Variants in AKAP13 observed in about 807,000 individuals in gnomAD.
AKAP13 encodes A-kinase anchor protein 13.
AKAP13 carries 80 observed loss-of-function variants against 264.5 expected under a neutral mutation model. The ratio of observed to expected loss-of-function variants is 0.30; its 90% confidence interval spans 0.25 to 0.36. AKAP13 has a LOEUF of 0.36. AKAP13 is among the 10% of genes least tolerant of loss of function. The pLI is 1.00. For synonymous variants in AKAP13, 1,380 were observed against 1,250.2 expected (o/e 1.10, Z -2.19); for missense variants, 3,712 against 3,435.2 (o/e 1.08, Z -2.01).
intron 2 of AKAP13, among the ~76,000 whole-genome samples, chr15:85,491,062 A>G (rs1413857870): frequency 6.6e-6 from 1 of 152,188 alleles, no homozygotes; most frequent in South Asian, 2.1e-4. Flanking sequence ...TTTGAGGAAC[A>G]GAACAGTGGC....
chr15:85,628,588 C>T (rs982623225), intron 8 of AKAP13, among the ~76,000 whole-genome samples: 21 of 152,286 alleles, frequency 1.4e-4, no homozygotes, highest in Admixed American at 3.3e-4. Context: ...TGAGCCTCCT[C>T]AGGACATCAT....
rs184101848 is a variant in AKAP13 at position 85,440,881 on chromosome 15, A to G, written c.-11-44829A>G. 7.3e-3 allele frequency among the ~76,000 whole-genome samples: 1,119 copies of G among 152,342 alleles called. 4 individuals are homozygous for G. The highest frequency in any genetic ancestry group is 0.027 in the Middle Eastern group (8 of 294). ...TAGTGTGGTGGAAATTTTTAAAAAA[A>G]TTCTGCAGTGGCTTAAATAGTGCAA... On this transcript the variant is annotated intron_variant, in intron 1 of 36. Transcript: ENST00000394518.
At chr15:85,507,477 A>C (rs1335265611) in intron 2 of AKAP13, among the ~76,000 whole-genome samples, 2 of 152,152 alleles carry the variant, frequency 1.3e-5, no homozygotes, top group African/African-American at 4.8e-5. Flanking sequence ...TTCACAGATA[A>C]AGTTTGCCAA....
intron 6 of AKAP13, among the ~76,000 whole-genome samples, chr15:85,577,180 T>C (rs77135039): frequency 0.014 from 2,114 of 152,282 alleles, 34 homozygotes; most frequent in Non-Finnish European, 0.023. Context: ...CTTGTACATA[T>C]AAACTTTTAC....
intron 34 of AKAP13, chr15:85,740,628 GCTT>G: frequency 3.0e-6 from 1 of 330,914 alleles, no homozygotes; most frequent in Non-Finnish European, 5.6e-6. Flanking sequence ...TCCTAATACA[GCTT>G]CTGTTTCGGA....
In AKAP13 at chr15:85,746,065, C is replaced by T. The variant is rs2089359694; in HGVS notation, c.*1388C>T. The T allele has an allele frequency of 6.6e-6, 1 of 152,378 alleles. No individual in the cohort carries two copies. The highest frequency in any genetic ancestry group is 6.5e-5 in the Admixed American group (1 of 15,272). The allele number at this position is 152,378 out of a possible 1,614,324, so 9.4% of individuals were successfully genotyped here. On this transcript the variant is annotated 3_prime_UTR_variant, in exon 37 of 37. Coordinates refer to ENST00000394518, the MANE Select transcript of AKAP13 (RefSeq NM_007200.5). ...TGTTGCCCTCTGAGGCCCCGTACACCAGAAGGGAGGCCCTGGAAAATTTTG... is the reference window on the plus strand; with the variant it reads ...TGTTGCCCTCTGAGGCCCCGTACACTAGAAGGGAGGCCCTGGAAAATTTTG...
intron 5 of AKAP13, chr15:85,544,214 A>G (rs896474458): frequency 1.7e-5 from 10 of 590,760 alleles, no homozygotes; most frequent in Non-Finnish European, 2.8e-5. Context: ...CTTATATTTT[A>G]CTATTTTACT....
At position 85,735,060 on chromosome 15, in the gene AKAP13, A is replaced by C. The variant is rs757190833; in HGVS notation, c.7351A>C (p.Ile2451Leu). The change falls in exon 31 of 37, where the codon ATT (isoleucine) becomes CTT (leucine). Residue 2451 changes from isoleucine to leucine, a missense_variant. Physicochemically the swap from Ile to Leu is conservative, Grantham distance 5. Coordinates refer to ENST00000394518, the MANE Select transcript of AKAP13 (RefSeq NM_007200.5). ...GTLGPTVSSP[I>L]EQDVVGPVSL... ...ACTTGGGCCGACTGTCAGCAGCCCC[A>C]TTGAGCAAGATGTGGTCGGTCCCGT... is the stretch of plus-strand genomic sequence containing the variant. 4 of 1,614,100 alleles carry C rather than the reference A, an allele frequency of 2.5e-6. No individual in the cohort carries two copies. Among genetic ancestry groups the C allele is most frequent in the African/African-American group, 1.3e-5 (1 of 74,946 alleles).
chr15:85,470,017 A>G (rs8028240), intron 1 of AKAP13, among the ~76,000 whole-genome samples: 81,798 of 152,092 alleles, frequency 0.54, 22,663 homozygotes, highest in Admixed American at 0.63. Flanking sequence ...GCTGGTTGTG[A>G]TGGCTCACGC....
rs2086431103 is a variant in AKAP13, at chr15:85,708,317, C to T, written c.5532+231C>T. 2.6e-5 allele frequency among the ~76,000 whole-genome samples: 4 copies of T among 152,216 alleles called. No homozygotes were observed. In the South Asian group the frequency reaches 8.3e-4, roughly 31 times the overall value. On this transcript the variant is annotated intron_variant, in intron 18 of 36. Transcript: ENST00000394518. This position sits in a 1 kb window ranked among gnomAD's most constrained non-coding sequence, Gnocchi z 4.3. ...AGAAAAGAAAACGCTTTCAGAACTT[C>T]TTCACGTTCAATATACATTTCTTCG...
intron 17 of AKAP13, 98 bp from the exon 18 acceptor site, chr15:85,707,921 A>C (rs542272395): frequency 8.6e-7 from 1 of 1,166,570 alleles, no homozygotes; most frequent in Non-Finnish European, 1.3e-6. Flanking sequence ...GAGTGACTTC[A>C]CTTTGAAATT....
Position 85,470,292 on chromosome 15 carries a change from AAAACC to A in AKAP13, c.-11-15399_-11-15395del, listed in dbSNP as rs549588645. On this transcript the variant is annotated intron_variant, in intron 1 of 36. Transcript: ENST00000394518. ...TGACAAGAGCGAAACTCTGTCTCAA[AAAACC>A]AAACCAAACCAAACCAAAACAAAAC... Among the ~76,000 whole-genome samples the A allele has an allele frequency of 2.1e-3, 313 of 152,320 alleles. 3 individuals carry two copies. The highest frequency in any genetic ancestry group is 6.8e-3 in the Middle Eastern group (2 of 294).
chr15:85,623,019 G>A (rs898756785), intron 8 of AKAP13, among the ~76,000 whole-genome samples: 1 of 152,102 alleles, frequency 6.6e-6, no homozygotes, highest in Non-Finnish European at 1.5e-5. Context: ...TTTTAGCAAA[G>A]TTTTCTCACA....
intron 1 of AKAP13, among the ~76,000 whole-genome samples, chr15:85,470,469 A>G (rs375491413): frequency 6.6e-6 from 1 of 152,236 alleles, no homozygotes. Flanking sequence ...GCTTTATAAA[A>G]CAAACATGTT....
intron 1 of AKAP13, among the ~76,000 whole-genome samples, chr15:85,436,099 T>G (rs2150939725): frequency 8.3e-6 from 1 of 121,132 alleles, no homozygotes; most frequent in African/African-American, 3.2e-5. Context: ...ACACATAGGC[T>G]CAAAATAAAA....
intron 8 of AKAP13, among the ~76,000 whole-genome samples, chr15:85,617,869 T>C (rs927083556): frequency 1.3e-5 from 2 of 152,252 alleles, no homozygotes; most frequent in African/African-American, 4.8e-5. Context: ...GTTCCCATGC[T>C]TTTGATAAGC....
rs777697747 is a variant in AKAP13, at chr15:85,521,460, A to G, written c.66A>G (p.Glu22=). ...GTGTTGTTACAGTGCTGCTTGCTGA[A>G]GAGGACAAAGCTGAAGATGATGTAG... is the stretch of plus-strand genomic sequence containing the variant. ...GDCVVTVLLA[E]EDKAEDDVVF... Residue 22 remains glutamate, a synonymous_variant, in exon 3 of 37, where the codon GAA becomes GAG. Coordinates refer to ENST00000394518, the MANE Select transcript of AKAP13 (RefSeq NM_007200.5). The G allele has an allele frequency of 5.6e-6, 9 of 1,614,086 alleles. No homozygotes were observed. Among genetic ancestry groups the G allele is most frequent in the South Asian group, 1.1e-5 (1 of 91,074 alleles).
intron 1 of AKAP13, among the ~76,000 whole-genome samples, chr15:85,384,263 T>C (rs1004045737): frequency 2.6e-5 from 4 of 152,254 alleles, no homozygotes; most frequent in Non-Finnish European, 5.9e-5. Context: ...GGACTTTTGA[T>C]GTTCCCTTCT....
Position 85,646,441 on chromosome 15 carries a change from A to G in AKAP13, c.4374+487A>G, listed in dbSNP as rs183250202. 3.1e-4 allele frequency among the ~76,000 whole-genome samples: 47 copies of G among 152,340 alleles called. No homozygotes were observed. The East Asian group carries it at 6.7e-3, about 22-fold the overall frequency. ...GACTCTGTCTCCAAAAACAAAAAAA[A>G]GGGAAAGAAAAAAGCATTGGCCAAA... On this transcript the variant is annotated intron_variant, in intron 10 of 36. Transcript: ENST00000394518.
Sources: gnomAD v4.1 joint callset for allele counts (sites outside exome capture counted in the v4.1 genomes callset) on GRCh38, gnomAD v4.1.1 for gene constraint, Gnocchi (gnomAD v3.1) non-coding constraint, MANE v1.5 for transcripts, NCBI Gene and HGNC (gene_info 2026-07-23, HGNC 2026-07-21) for gene names.